Variants in NELL1 observed in about 807,000 individuals in gnomAD.
The protein encoded by NELL1 is protein kinase C-binding protein NELL1.
NELL1 carries 76 observed loss-of-function variants against 107.4 expected under a neutral mutation model. The observed-to-expected ratio is 0.71, with a 90% confidence interval of 0.59 to 0.86. The LOEUF is 0.86. Ranked by LOEUF, NELL1 falls within the 40% of genes least tolerant of loss-of-function variation. The pLI is 0.00. For synonymous variants in NELL1, 353 were observed against 341.2 expected (o/e 1.03, Z -0.38); for missense variants, 1,024 against 1,005.5 (o/e 1.02, Z -0.25).
intron 15 of NELL1, among the ~76,000 whole-genome samples, chr11:21,486,278 C>T (rs1854629978): frequency 6.6e-6 from 1 of 152,176 alleles, no homozygotes; most frequent in Admixed American, 6.6e-5. Flanking sequence ...AAGACTGGCC[C>T]ACCTGGTATC....
chr11:20,776,477 TTA>T (rs538683728), intron 2 of NELL1, among the ~76,000 whole-genome samples: 30 of 150,834 alleles, frequency 2.0e-4, no homozygotes, highest in African/African-American at 6.3e-4. Flanking sequence ...AAATAAAATT[TTA>T]TATATATATA....
intron 2 of NELL1, among the ~76,000 whole-genome samples, chr11:20,759,370 G>A (rs996347732): frequency 2.6e-5 from 4 of 152,156 alleles, no homozygotes; most frequent in African/African-American, 7.2e-5. Context: ...AGATCACATT[G>A]AAATGCTGTA....
rs571150691 is a variant in NELL1, at chr11:20,730,604, G to A, written c.184+52544G>A. Among the ~76,000 whole-genome samples the A allele has an allele frequency of 7.2e-5, 11 of 152,300 alleles. No homozygotes were observed. In the South Asian group the frequency reaches 2.1e-3, roughly 29 times the overall value. The stretch of plus-strand genomic sequence containing the variant: ...CTCCTACCATAGTAGAGGAAACAGA[G>A]GCAAGCAGTGGTTGGTCCATTCCCC... On this transcript the variant is annotated intron_variant, in intron 2 of 19. Transcript: ENST00000357134.
At chr11:21,293,503 C>A (rs2133963061) in intron 14 of NELL1, among the ~76,000 whole-genome samples, 1 of 152,238 alleles carries the variant, frequency 6.6e-6, no homozygotes, top group African/African-American at 2.4e-5. Flanking sequence ...CTAGTTCAAC[C>A]ATTGTGGAAG....
intron 12 of NELL1, among the ~76,000 whole-genome samples, chr11:21,082,916 C>T (rs1267616184): frequency 1.3e-5 from 2 of 152,228 alleles, no homozygotes; most frequent in Admixed American, 6.5e-5. Flanking sequence ...ATTTGCTACT[C>T]TTTATTTTTC....
At chr11:20,884,688 T>C (rs972183526) in intron 4 of NELL1, among the ~76,000 whole-genome samples, 6 of 152,214 alleles carry the variant, frequency 3.9e-5, no homozygotes, top group Admixed American at 2.0e-4. Flanking sequence ...TAGGTAGGGC[T>C]CTGACATCTT....
At chr11:21,308,230 G>A (rs928934294) in intron 14 of NELL1, among the ~76,000 whole-genome samples, 1 of 152,046 alleles carries the variant, frequency 6.6e-6, no homozygotes, top group South Asian at 2.1e-4. Context: ...GTGTATCATA[G>A]TAGAAAGCTA....
chr11:20,977,836 G>A (rs1252370203), intron 12 of NELL1, among the ~76,000 whole-genome samples: 1 of 152,078 alleles, frequency 6.6e-6, no homozygotes, highest in Non-Finnish European at 1.5e-5. Context: ...ATATTTATCA[G>A]TACAACTTCT....
intron 11 of NELL1, among the ~76,000 whole-genome samples, chr11:20,958,010 C>G (rs947718104): frequency 1.2e-4 from 19 of 152,188 alleles, no homozygotes; most frequent in Admixed American, 1.2e-3. Context: ...AAGAATTTTC[C>G]AAAATGATGA....
At chr11:20,944,186 G>A (rs887313950) in intron 10 of NELL1, among the ~76,000 whole-genome samples, 1 of 152,134 alleles carries the variant, frequency 6.6e-6, no homozygotes, top group Non-Finnish European at 1.5e-5. Flanking sequence ...TTGATATTCT[G>A]TCATTCAGTT....
chr11:20,910,345 G>C (rs2134146707), intron 5 of NELL1, among the ~76,000 whole-genome samples: 1 of 152,302 alleles, frequency 6.6e-6, no homozygotes, highest in Admixed American at 6.5e-5. Flanking sequence ...CAGACTTAAG[G>C]GATGGGGAAA....
intron 14 of NELL1, among the ~76,000 whole-genome samples, chr11:21,333,116 G>A (rs73454948): frequency 6.6e-6 from 1 of 151,966 alleles, no homozygotes; most frequent in African/African-American, 2.4e-5. Context: ...GATTAAGACA[G>A]ATAATACTGT....
intron 12 of NELL1, among the ~76,000 whole-genome samples, chr11:21,090,821 T>C (rs1256895033): frequency 2.0e-5 from 3 of 152,222 alleles, no homozygotes; most frequent in African/African-American, 7.2e-5. Context: ...ATATATGATT[T>C]TTCTTAATCA....
At chr11:21,046,677 A>ATTTATTTAT (rs1853361700) in intron 12 of NELL1, among the ~76,000 whole-genome samples, 2 of 143,548 alleles carry the variant, frequency 1.4e-5, no homozygotes, top group Non-Finnish European at 3.0e-5. Context: ...TATTTACTCA[A>ATTTATTTAT]TTATTTATTT....
intron 12 of NELL1, among the ~76,000 whole-genome samples, chr11:21,033,942 A>G (rs908271994): frequency 5.3e-5 from 8 of 152,066 alleles, no homozygotes; most frequent in African/African-American, 1.9e-4. Flanking sequence ...TTTGACTGAC[A>G]TGAGATGGTA....
intron 14 of NELL1, among the ~76,000 whole-genome samples, chr11:21,237,887 T>A (rs943035370): frequency 2.6e-5 from 4 of 152,108 alleles, no homozygotes; most frequent in African/African-American, 9.7e-5. Context: ...CTCTTTTTCT[T>A]TGCCTAGGTA....
chr11:21,080,491 C>T (rs1171351330), intron 12 of NELL1, among the ~76,000 whole-genome samples: 2 of 152,068 alleles, frequency 1.3e-5, no homozygotes, highest in Admixed American at 6.6e-5. Context: ...GATATAGTCT[C>T]ATGTGTGCAA....
intron 12 of NELL1, among the ~76,000 whole-genome samples, chr11:21,108,558 A>G (rs1451846515): frequency 6.6e-6 from 1 of 152,164 alleles, no homozygotes; most frequent in Non-Finnish European, 1.5e-5. Context: ...TATACTCAAG[A>G]TGATATATGC....
intron 16 of NELL1, among the ~76,000 whole-genome samples, chr11:21,557,945 GCTCACTCT>G (rs1327800778): frequency 2.6e-5 from 4 of 151,980 alleles, no homozygotes; most frequent in Admixed American, 2.6e-4. Flanking sequence ...CCCTCAATGA[GCTCACTCT>G]CTCTGGAGGT....
Sources: gnomAD v4.1 joint callset for allele counts (sites outside exome capture counted in the v4.1 genomes callset) on GRCh38, gnomAD v4.1.1 for gene constraint, MANE v1.5 for transcripts, NCBI Gene and HGNC (gene_info 2026-07-23, HGNC 2026-07-21) for gene names.